TLCD4: variants seen among roughly 807,000 people sequenced by gnomAD.
TLCD4 encodes the protein TLC domain-containing protein 4.
In TLCD4, 7 loss-of-function variants were observed where a neutral mutation model predicts 24.2. The observed-to-expected ratio is 0.29, with a 90% CI of 0.16 to 0.54. The LOEUF (loss-of-function observed/expected upper bound fraction) is 0.54, where lower values mean the gene tolerates loss of function less well. TLCD4 is among the 20% of genes least tolerant of loss of function. The probability of loss-of-function intolerance (pLI) is 0.95; values close to 1 mark genes in which losing one functional copy is unlikely to be tolerated. For missense variants in TLCD4, 259 were observed against 313.9 expected, an observed-to-expected ratio of 0.82 and a Z score of 1.32; for synonymous variants, 103 against 106.4, an observed-to-expected ratio of 0.97 and a Z score of 0.20.
chr1:95,185,647 C>T (rs1013359978), intron 6 of TLCD4, among the ~76,000 whole-genome samples: 1 of 152,220 alleles, frequency 6.6e-6, no homozygotes, highest in Non-Finnish European at 1.5e-5. Context: ...TCCACTTTCA[C>T]TTAATAGTAC....
At chr1:95,131,244 G>A (rs1356421732) in intron 1 of TLCD4, among the ~76,000 whole-genome samples, 5 of 152,166 alleles carry the variant, frequency 3.3e-5, no homozygotes, top group African/African-American at 1.2e-4. Flanking sequence ...GCAGGTAATG[G>A]GGGAATTAAC....
intron 5 of TLCD4, among the ~76,000 whole-genome samples, chr1:95,171,774 T>G (rs1678237414): frequency 6.6e-6 from 1 of 152,170 alleles, no homozygotes; most frequent in Admixed American, 6.5e-5. Flanking sequence ...AATTTGGGAT[T>G]GGGCATTGTT....
At chr1:95,104,431 G>A in the TLCD4 span, among the ~76,000 whole-genome samples, 482 of 152,154 alleles carry the variant, frequency 3.2e-3, 2 homozygotes, top group Middle Eastern at 6.8e-3. Flanking sequence ...TTGGGAGGCC[G>A]AGGCGGGCGG....
the TLCD4 span, among the ~76,000 whole-genome samples, chr1:95,094,461 A>G: frequency 1.3e-5 from 2 of 152,202 alleles, no homozygotes; most frequent in Non-Finnish European, 2.9e-5. Flanking sequence ...ACATGGAGAA[A>G]GATGCCCAGC....
chr1:95,102,202 G>C, the TLCD4 span, among the ~76,000 whole-genome samples: 1 of 152,182 alleles, frequency 6.6e-6, no homozygotes, highest in Admixed American at 6.5e-5. Flanking sequence ...TTTATTGAGG[G>C]TCTATTTTGT....
chr1:95,102,986 T>A, the TLCD4 span, among the ~76,000 whole-genome samples: 8 of 53,700 alleles, frequency 1.5e-4, no homozygotes, highest in South Asian at 2.7e-3. Context: ...AAAAAAAAAA[T>A]TTTTTTTTTT....
intron 1 of TLCD4, among the ~76,000 whole-genome samples, chr1:95,128,304 A>T (rs1159729332): frequency 1.3e-5 from 2 of 152,216 alleles, no homozygotes; most frequent in Non-Finnish European, 2.9e-5. Context: ...TAAGCATTAT[A>T]AAAACAAACC....
At chr1:95,133,227 T>C (rs1478911938) in intron 1 of TLCD4, among the ~76,000 whole-genome samples, 1 of 152,016 alleles carries the variant, frequency 6.6e-6, no homozygotes, top group East Asian at 1.9e-4. Flanking sequence ...CCTGTGTCCA[T>C]GTGTTGTGGG....
At chr1:95,155,677 C>T (rs566680804) in intron 5 of TLCD4, among the ~76,000 whole-genome samples, 9 of 151,104 alleles carry the variant, frequency 6.0e-5, no homozygotes, top group East Asian at 3.9e-4. Context: ...GATATATTGA[C>T]GGGTACAGGA....
intron 5 of TLCD4, among the ~76,000 whole-genome samples, chr1:95,157,796 A>C (rs1036369671): frequency 8.5e-5 from 13 of 152,228 alleles, no homozygotes; most frequent in African/African-American, 3.1e-4. Flanking sequence ...GGAAGCCGCA[A>C]GACTTCTTAG....
rs535989196 is a variant in TLCD4, at chr1:95,175,200, C to T, written c.473+1311C>T. 7.0e-4 allele frequency among the ~76,000 whole-genome samples: 107 copies of T among 152,316 alleles called. 2 individuals carry two copies. The South Asian group carries it at 0.02, about 29-fold the overall frequency. ...CTCTACGCCCATTAAACACTAATTT[C>T]GCTCTCCTGCAAGTCCTAGACAACC... is the stretch of plus-strand genomic sequence containing the variant. On this transcript the variant is annotated intron_variant, in intron 6 of 6. Coordinates refer to ENST00000370203, the MANE Select transcript of TLCD4 (RefSeq NM_152487.3).
intron 5 of TLCD4, among the ~76,000 whole-genome samples, chr1:95,161,269 A>G (rs1305164267): frequency 5.3e-5 from 8 of 152,246 alleles, no homozygotes; most frequent in Non-Finnish European, 1.0e-4. Flanking sequence ...CATTTCTTCT[A>G]GATTTTCTAG....
chr1:95,156,250 T>A (rs974995951), intron 5 of TLCD4, among the ~76,000 whole-genome samples: 1 of 152,140 alleles, frequency 6.6e-6, no homozygotes, highest in African/African-American at 2.4e-5. Flanking sequence ...AATATGCATA[T>A]TTAGGTTGGA....
chr1:95,127,788 A>G (rs1676780447), intron 1 of TLCD4, among the ~76,000 whole-genome samples: 3 of 152,160 alleles, frequency 2.0e-5, no homozygotes, highest in Admixed American at 1.3e-4. Context: ...ATTTCCTTGA[A>G]GGTGGGCTCT....
At chr1:95,109,949 A>G in the TLCD4 span, among the ~76,000 whole-genome samples, 1 of 142,566 alleles carries the variant, frequency 7.0e-6, no homozygotes, top group African/African-American at 2.5e-5. Flanking sequence ...ATATATATAT[A>G]TATATATATA....
At chr1:95,105,957 A>G in the TLCD4 span, among the ~76,000 whole-genome samples, 1 of 151,978 alleles carries the variant, frequency 6.6e-6, no homozygotes, top group African/African-American at 2.4e-5. Context: ...GACTACTGCA[A>G]AGAGGACTAG....
rs1677459256 is a variant in TLCD4, at chr1:95,150,277, T to C, written c.304+11T>C. Reference sequence around the variant, plus strand: ...GCTACCTCATTTCTGGTATGTGAGATGTTGTTTTATTGTCTAATTCCTTGT... The same window carrying C: ...GCTACCTCATTTCTGGTATGTGAGACGTTGTTTTATTGTCTAATTCCTTGT... On this transcript the variant is annotated intron_variant, in intron 4 of 6. Transcript: ENST00000370203. 1.2e-6 allele frequency: 2 copies of C among 1,609,682 alleles called. No homozygotes were observed. The highest frequency in any genetic ancestry group is 2.2e-5 in the South Asian group (2 of 90,486).
the TLCD4 span, among the ~76,000 whole-genome samples, chr1:95,093,544 G>T: frequency 1.3e-5 from 2 of 152,224 alleles, no homozygotes; most frequent in Non-Finnish European, 2.9e-5. Flanking sequence ...AGGACCACAG[G>T]TAGAGAGGGA....
chr1:95,092,787 C>A, the TLCD4 span, among the ~76,000 whole-genome samples: 1 of 152,216 alleles, frequency 6.6e-6, no homozygotes, highest in Non-Finnish European at 1.5e-5. Context: ...AAGAACCCAC[C>A]AATTCCAGAC....
Sources: gnomAD v4.1 joint callset for allele counts (sites outside exome capture counted in the v4.1 genomes callset) on GRCh38, gnomAD v4.1.1 for gene constraint, MANE v1.5 for transcripts, NCBI Gene and HGNC (gene_info 2026-07-23, HGNC 2026-07-21) for gene names.